The following EYS variants were observed in gnomAD, a reference collection of about 807,000 sequenced individuals.
EYS encodes the protein protein eyes shut homolog.
In EYS, 250 loss-of-function variants were observed where a neutral mutation model predicts 282.1. That is an observed-to-expected ratio of 0.89 (90% CI 0.80 to 0.98). The LOEUF is 0.98. Among genes scored for constraint, EYS ranks in the 50% least tolerant of loss-of-function variants. EYS has a pLI of 0.00. For synonymous variants in EYS, 1,355 were observed against 1,282.9 expected, an observed-to-expected ratio of 1.06 and a Z score of -1.20; for missense variants, 4,016 against 3,709.0, an observed-to-expected ratio of 1.08 and a Z score of -2.15.
At position 65,115,940 on chromosome 6, in the gene EYS, A is replaced by ATGTCTGTC. The variant is rs56699664; in HGVS notation, c.2024-58221_2024-58214dup. Among the ~76,000 whole-genome samples, 3 of 117,564 alleles carry ATGTCTGTC rather than the reference A, an allele frequency of 2.6e-5. No homozygotes were observed. In the East Asian group the frequency reaches 6.8e-4, roughly 26 times the overall value. 77.1% of individuals were successfully genotyped at this position (117,564 alleles called of 152,430 possible). On this transcript the variant is annotated intron_variant, in intron 12 of 42. Coordinates refer to ENST00000503581, the MANE Select transcript of EYS (RefSeq NM_001142800.2). ...TGTAACTTCTCTCAATGAAATAACT[A>ATGTCTGTC]TGTCTGTCTGTCTGTCTGTCTATCT...
At chr6:64,450,009 C>A (rs376251746) in intron 26 of EYS, among the ~76,000 whole-genome samples, 1 of 151,960 alleles carries the variant, frequency 6.6e-6, no homozygotes, top group Non-Finnish European at 1.5e-5. Context: ...CATAACAATA[C>A]TAACCTTAAA....
intron 22 of EYS, among the ~76,000 whole-genome samples, chr6:64,745,975 A>C (rs1293502691): frequency 6.6e-6 from 1 of 152,106 alleles, no homozygotes; most frequent in Non-Finnish European, 1.5e-5. Context: ...AGTGTACCTT[A>C]GGGAATGCAG....
At chr6:64,762,522 C>G (rs1773191459) in intron 22 of EYS, among the ~76,000 whole-genome samples, 1 of 152,198 alleles carries the variant, frequency 6.6e-6, no homozygotes, top group Non-Finnish European at 1.5e-5. Context: ...CCTCTGTTGA[C>G]AGTAAGAAAT....
intron 12 of EYS, among the ~76,000 whole-genome samples, chr6:65,121,213 G>A (rs1775538718): frequency 6.6e-6 from 1 of 152,096 alleles, no homozygotes; most frequent in African/African-American, 2.4e-5. Flanking sequence ...CAGTGGCCAA[G>A]ACACTTGTGC....
intron 10 of EYS, among the ~76,000 whole-genome samples, chr6:65,343,649 T>C (rs879824039): frequency 1.3e-5 from 2 of 151,286 alleles, no homozygotes; most frequent in Non-Finnish European, 3.0e-5. Context: ...CTTGCTCGTG[T>C]AAGAGATTAG....
intron 14 of EYS, among the ~76,000 whole-genome samples, chr6:64,981,926 T>G (rs925184423): frequency 6.6e-6 from 1 of 151,248 alleles, no homozygotes; most frequent in Non-Finnish European, 1.5e-5. Context: ...CTCCAAAGAA[T>G]TAAAAACCAG....
intron 13 of EYS, among the ~76,000 whole-genome samples, chr6:65,010,258 A>G (rs1013126414): frequency 1.3e-5 from 2 of 152,246 alleles, no homozygotes; most frequent in Non-Finnish European, 2.9e-5. Flanking sequence ...TAGTGGCAGC[A>G]GTAGCAGGCT....
intron 22 of EYS, among the ~76,000 whole-genome samples, chr6:64,747,634 T>C (rs1242589047): frequency 6.6e-6 from 1 of 152,168 alleles, no homozygotes; most frequent in Non-Finnish European, 1.5e-5. Flanking sequence ...TGCCTCAGGC[T>C]CCCAAAGTGC....
chr6:63,874,750 A>G (rs1772919888), intron 35 of EYS, among the ~76,000 whole-genome samples: 1 of 152,124 alleles, frequency 6.6e-6, no homozygotes, highest in African/African-American at 2.4e-5. Context: ...ATGGGAGTTC[A>G]CTCATGATTT....
chr6:64,967,095 A>G (rs1336984193), intron 14 of EYS, among the ~76,000 whole-genome samples: 4 of 152,140 alleles, frequency 2.6e-5, no homozygotes, highest in Non-Finnish European at 2.9e-5. Context: ...CTACCTTATT[A>G]CTGGGATATT....
intron 14 of EYS, among the ~76,000 whole-genome samples, chr6:64,975,585 A>G (rs2150113460): frequency 6.6e-6 from 1 of 152,000 alleles, no homozygotes. Context: ...AAGACTCATT[A>G]TTAACAAGTG....
At chr6:64,310,303 T>C (rs1769641992) in intron 29 of EYS, among the ~76,000 whole-genome samples, 1 of 152,128 alleles carries the variant, frequency 6.6e-6, no homozygotes, top group Non-Finnish European at 1.5e-5. Context: ...TGCAACACTA[T>C]TCACAATAGC....
intron 13 of EYS, among the ~76,000 whole-genome samples, chr6:65,022,716 T>C (rs1772285499): frequency 6.7e-6 from 1 of 149,560 alleles, no homozygotes; most frequent in Admixed American, 6.7e-5. Flanking sequence ...TAAACATAAA[T>C]ACAATATATG....
chr6:64,521,923 T>G (rs1336329242), intron 26 of EYS, among the ~76,000 whole-genome samples: 3 of 151,772 alleles, frequency 2.0e-5, no homozygotes, highest in Non-Finnish European at 2.9e-5. Context: ...CCCAGAAGTA[T>G]AGTCGTATCA....
intron 19 of EYS, among the ~76,000 whole-genome samples, chr6:64,848,600 G>A (rs1765786281): frequency 6.6e-6 from 1 of 152,032 alleles, no homozygotes; most frequent in African/African-American, 2.4e-5. Context: ...TTTCCAATGA[G>A]AATGGGAGGG....
At chr6:63,950,498 T>G (rs1765547876) in intron 35 of EYS, among the ~76,000 whole-genome samples, 1 of 152,034 alleles carries the variant, frequency 6.6e-6, no homozygotes. Flanking sequence ...TCTGACTCTC[T>G]TTTCAGACTC....
chr6:65,126,303 T>C (rs1237276470), intron 12 of EYS, among the ~76,000 whole-genome samples: 1 of 152,194 alleles, frequency 6.6e-6, no homozygotes, highest in Non-Finnish European at 1.5e-5. Context: ...TCAATGTTAC[T>C]TCTATCTCAG....
chr6:63,847,848 T>C (rs945800026), intron 36 of EYS, among the ~76,000 whole-genome samples: 5 of 152,202 alleles, frequency 3.3e-5, no homozygotes, highest in African/African-American at 1.2e-4. Flanking sequence ...ATTAAATGAT[T>C]TTGTGGCTCT....
At chr6:64,016,587 T>G (rs772022335) in intron 33 of EYS, among the ~76,000 whole-genome samples, 7 of 151,736 alleles carry the variant, frequency 4.6e-5, no homozygotes, top group Middle Eastern at 6.8e-3. Flanking sequence ...GCAATCCTCC[T>G]GCCTCAGACT....
Sources: gnomAD v4.1 joint callset for allele counts (sites outside exome capture counted in the v4.1 genomes callset) on GRCh38, gnomAD v4.1.1 for gene constraint, MANE v1.5 for transcripts, NCBI Gene and HGNC (gene_info 2026-07-23, HGNC 2026-07-21) for gene names.